YME1L1: variants seen among roughly 807,000 people sequenced by gnomAD.
YME1L1 encodes the protein YME1 like 1 ATPase.
A neutral mutation model predicts 90.4 loss-of-function variants in YME1L1; 39 were observed. The ratio of observed to expected loss-of-function variants is 0.43; its 90% CI spans 0.33 to 0.56. The LOEUF is 0.56. Ranked by LOEUF, YME1L1 falls within the 20% of genes least tolerant of loss-of-function variation. The probability of loss-of-function intolerance (pLI) is 0.03; values close to 1 mark genes in which losing one functional copy is unlikely to be tolerated. For synonymous variants in YME1L1, 284 were observed against 287.3 expected (o/e 0.99, Z 0.12); for missense variants, 617 against 868.4 (o/e 0.71, Z 3.64).
At chr10:27,116,882 T>TA (rs1300257199) in intron 15 of YME1L1, among the ~76,000 whole-genome samples, 5 of 151,344 alleles carry the variant, frequency 3.3e-5, no homozygotes, top group Non-Finnish European at 7.4e-5. Context: ...AATAAAAATT[T>TA]AAAAAAAATT....
chr10:27,119,575 G>T, intron 13 of YME1L1, 126 bp from the exon 14 acceptor site: 1 of 1,002,926 alleles, frequency 1.0e-6, no homozygotes, highest in South Asian at 1.9e-5. Context: ...TTGGGAGGCT[G>T]GGGCAGGCAG....
intron 15 of YME1L1, among the ~76,000 whole-genome samples, chr10:27,116,792 C>G (rs2056817415): frequency 6.6e-6 from 1 of 152,012 alleles, no homozygotes; most frequent in Admixed American, 6.6e-5. Flanking sequence ...CTTTGGGAGG[C>G]TGAGGTGTGA....
At chr10:27,113,533 A>C (rs2056780992) in intron 18 of YME1L1, among the ~76,000 whole-genome samples, 1 of 151,874 alleles carries the variant, frequency 6.6e-6, no homozygotes, top group South Asian at 2.1e-4. Context: ...TTAGCCAGGC[A>C]TGGTGGCACG....
chr10:27,154,245 C>A lies in YME1L1; in HGVS notation c.-35G>T. 1.3e-6 allele frequency: 2 copies of A among 1,579,972 alleles called. No homozygotes were observed. The highest frequency in any genetic ancestry group is 1.7e-6 in the Non-Finnish European group (2 of 1,162,162). On this transcript the variant is annotated 5_prime_UTR_variant, in exon 1 of 19. Coordinates refer to ENST00000376016, the MANE Select transcript of YME1L1 (RefSeq NM_014263.4). ...GCCCTCAGCGACCTCACCCGCCTGC[C>A]GAAACTGTGCCCCTCTGTCCACGGC...
rs1230607759 is a variant in YME1L1 at position 27,142,425 on chromosome 10, G to A, written c.392C>T (p.Ala131Val). ...AAGATCTGAACAAATGCTTTGAAGA[G>A]CTCTTGAATGATGTCGATACAAGCA... ...SSCLYRHHSR[A>V]LQSICSDLQY... The change falls in exon 4 of 19, where the codon GCT becomes GTT. Residue 131 changes from alanine (A) to valine (V), a missense_variant. Coordinates refer to ENST00000376016, the MANE Select transcript of YME1L1 (RefSeq NM_014263.4). 1 of 1,529,972 alleles carries A rather than the reference G, an allele frequency of 6.5e-7. No homozygotes were observed. The highest frequency in any genetic ancestry group is 8.8e-7 in the Non-Finnish European group (1 of 1,138,524). The allele number at this position is 1,529,972 out of a possible 1,614,324, so 94.8% of individuals were successfully genotyped here.
At chr10:27,148,238 T>C (rs1332347152) in intron 2 of YME1L1, among the ~76,000 whole-genome samples, 1 of 152,190 alleles carries the variant, frequency 6.6e-6, no homozygotes, top group Non-Finnish European at 1.5e-5. Flanking sequence ...AGAGTCTTGT[T>C]GTCACCCAGG....
At chr10:27,149,797 G>A (rs1429396644) in intron 1 of YME1L1, among the ~76,000 whole-genome samples, 11 of 149,160 alleles carry the variant, frequency 7.4e-5, no homozygotes, top group South Asian at 6.4e-4. Context: ...TAAGTAGGCC[G>A]GGAATGGTGG....
At chr10:27,151,868 G>A (rs892652565) in intron 1 of YME1L1, among the ~76,000 whole-genome samples, 36 of 146,712 alleles carry the variant, frequency 2.5e-4, no homozygotes, top group African/African-American at 8.4e-4. Context: ...GCGACAGAGC[G>A]AGACTCCATC....
At chr10:27,123,182 G>A (rs116785452) in intron 10 of YME1L1, among the ~76,000 whole-genome samples, 62 of 152,108 alleles carry the variant, frequency 4.1e-4, no homozygotes, top group African/African-American at 1.4e-3. Context: ...AAAACAGTTG[G>A]GCATTCATTC....
At chr10:27,136,240 A>G (rs749872334) in intron 5 of YME1L1, 36 bp downstream of exon 5, 8 of 1,552,964 alleles carry the variant, frequency 5.2e-6, no homozygotes, top group Admixed American at 1.8e-5. Flanking sequence ...CAACTTGAAA[A>G]TATTTGCTTT....
chr10:27,126,596 C>A, intron 9 of YME1L1, 100 bp downstream of exon 9: 3 of 606,854 alleles, frequency 4.9e-6, no homozygotes, highest in South Asian at 2.5e-5. Context: ...AAGACTTAAA[C>A]TTTAATCAGT....
At chr10:27,148,073 C>G (rs1000825039) in intron 2 of YME1L1, among the ~76,000 whole-genome samples, 10 of 152,112 alleles carry the variant, frequency 6.6e-5, no homozygotes, top group African/African-American at 2.4e-4. Context: ...TGAGCTGCTC[C>G]CTAAATCTGC....
At position 27,110,652 on chromosome 10, in the gene YME1L1, A is replaced by G. The variant is rs945819636; in HGVS notation, c.*1325T>C. On this transcript the variant is annotated 3_prime_UTR_variant, in exon 19 of 19. Transcript: ENST00000376016. ...TGGCATTTCTGACGCAGGGTAACAC[A>G]AAGTTCACTTCGGAGGGGACTGAGA... The G allele has an allele frequency of 2.0e-5, 3 of 152,200 alleles. No individual in the cohort carries two copies. Among genetic ancestry groups the G allele is most frequent in the Admixed American group, 6.5e-5 (1 of 15,276 alleles). 9.4% of individuals were successfully genotyped at this position (152,200 alleles called of 1,614,324 possible). A position where few individuals can be genotyped will look rare whatever the true frequency, so the allele number is the denominator to read the frequency against.
At chr10:27,129,924 A>AC (rs35788755) in intron 8 of YME1L1, among the ~76,000 whole-genome samples, 1 of 152,018 alleles carries the variant, frequency 6.6e-6, no homozygotes, top group Non-Finnish European at 1.5e-5. Flanking sequence ...AATTTCCACA[A>AC]CCCCCCACCT....
chr10:27,131,075 A>G (rs2056973007), intron 8 of YME1L1, among the ~76,000 whole-genome samples: 1 of 152,168 alleles, frequency 6.6e-6, no homozygotes, highest in African/African-American at 2.4e-5. Flanking sequence ...TTTCTCAGAT[A>G]AATGCAGTTT....
chr10:27,122,271 T>C (rs1452134202), intron 11 of YME1L1, among the ~76,000 whole-genome samples: 2 of 152,366 alleles, frequency 1.3e-5, no homozygotes, highest in African/African-American at 4.8e-5. Context: ...CAGGAAAAGA[T>C]AACCTGATAT....
chr10:27,142,649 G>A lies in YME1L1; in HGVS notation c.332-164C>T, dbSNP rs73598031. On this transcript the variant is annotated intron_variant, in intron 3 of 18. Coordinates refer to ENST00000376016, the MANE Select transcript of YME1L1 (RefSeq NM_014263.4). ...CTTTTATGAAAGTATCTAAAGCATC[G>A]CTAATTTAACTACATCTCACAGTTC... 0.052 allele frequency among the ~76,000 whole-genome samples: 7,923 copies of A among 152,170 alleles called. 213 individuals are homozygous for A. The highest frequency in any genetic ancestry group is 0.069 in the African/African-American group (2,860 of 41,530).
intron 1 of YME1L1, among the ~76,000 whole-genome samples, chr10:27,151,446 TG>T (rs1320134137): frequency 6.6e-6 from 1 of 152,250 alleles, no homozygotes; most frequent in Non-Finnish European, 1.5e-5. Flanking sequence ...GCCATTATTG[TG>T]GGTACAGACC....
chr10:27,116,595 G>A (rs1057428132), intron 15 of YME1L1, among the ~76,000 whole-genome samples: 1 of 152,178 alleles, frequency 6.6e-6, no homozygotes, highest in Non-Finnish European at 1.5e-5. Context: ...GAAGCCAGGA[G>A]ACAGAGGTTG....
Sources: allele counts gnomAD v4.1 joint callset (sites outside exome capture counted in the v4.1 genomes callset), GRCh38; gene constraint gnomAD v4.1.1; transcripts MANE v1.5; gene names NCBI Gene and HGNC (gene_info 2026-07-23, HGNC 2026-07-21).